The following LDB2 variants were observed in gnomAD, a reference collection of about 807,000 sequenced individuals.
LDB2 encodes LIM domain binding 2, also known as LIM domain-binding protein 2.
Under a neutral mutation model 44.3 loss-of-function variants are expected in LDB2, and 12 were observed. The ratio of observed to expected loss-of-function variants is 0.27; its 90% CI spans 0.17 to 0.44. The LOEUF (loss-of-function observed/expected upper bound fraction) is 0.44. Ranked by LOEUF, LDB2 falls within the 20% of genes least tolerant of loss-of-function variation. LDB2 has a pLI of 1.00. For synonymous variants in LDB2, 164 were observed against 174.8 expected, an observed-to-expected ratio of 0.94 and a Z score of 0.49; for missense variants, 344 against 473.5, an observed-to-expected ratio of 0.73 and a Z score of 2.54.
At chr4:16,592,110 A>G (rs1025390312) in intron 3 of LDB2, among the ~76,000 whole-genome samples, 2 of 152,166 alleles carry the variant, frequency 1.3e-5, no homozygotes, top group Admixed American at 1.3e-4. Flanking sequence ...ATCAACAAGA[A>G]AGAGGCTGGC....
rs541792175 is a variant in LDB2, at chr4:16,878,757, T to G, written c.132+19597A>C. On this transcript the variant is annotated intron_variant, in intron 1 of 7. Transcript: ENST00000304523. Reference sequence around the variant, plus strand: ...CCCTCCTGCTACAGGGCCTTTGTGCTTACTATTATTCTTTTAAAATGCCAT... The same window carrying G: ...CCCTCCTGCTACAGGGCCTTTGTGCGTACTATTATTCTTTTAAAATGCCAT... Among the ~76,000 whole-genome samples the G allele has an allele frequency of 3.3e-5, 5 of 152,350 alleles. No individual in the cohort carries two copies. The East Asian group carries it at 9.6e-4, about 29-fold the overall frequency.
intron 1 of LDB2, among the ~76,000 whole-genome samples, chr4:16,854,569 T>TA (rs1456043522): frequency 2.6e-4 from 40 of 151,034 alleles, no homozygotes; most frequent in Non-Finnish European, 4.3e-4. Flanking sequence ...TGTTTATTGT[T>TA]AAAAAAAGCA....
At chr4:16,832,588 C>T (rs976791628) in intron 1 of LDB2, among the ~76,000 whole-genome samples, 4 of 151,830 alleles carry the variant, frequency 2.6e-5, no homozygotes, top group African/African-American at 9.7e-5. Flanking sequence ...AACTCTACTT[C>T]GACAGTGTAA....
Position 16,592,523 on chromosome 4 carries a change from AAC to A in LDB2, c.408+3178_408+3179del, listed in dbSNP as rs1578065930. On this transcript the variant is annotated intron_variant, in intron 3 of 7. Coordinates refer to ENST00000304523, the MANE Select transcript of LDB2 (RefSeq NM_001290.5). The stretch of plus-strand genomic sequence containing the variant: ...ATATATATACACACACACACACACA[AAC>A]ACACACATGATCTGATCATTGATAT... Among the ~76,000 whole-genome samples the A allele has an allele frequency of 4.3e-4, 49 of 114,858 alleles. No homozygotes were observed. In the East Asian group the frequency reaches 0.012, roughly 27 times the overall value. The allele number at this position is 114,858 out of a possible 152,430, so 75.4% of individuals were successfully genotyped here.
chr4:16,730,938 T>TA (rs756785887), intron 2 of LDB2, among the ~76,000 whole-genome samples: 3 of 152,190 alleles, frequency 2.0e-5, no homozygotes, highest in Admixed American at 1.3e-4. Context: ...TATTGCTACT[T>TA]AGAGTTCAAG....
intron 5 of LDB2, among the ~76,000 whole-genome samples, chr4:16,542,703 A>G (rs1734255100): frequency 6.6e-6 from 1 of 150,450 alleles, no homozygotes; most frequent in African/African-American, 2.5e-5. Context: ...CTTATTTCCT[A>G]AACTCTAAAT....
At chr4:16,836,693 T>C (rs1167840540) in intron 1 of LDB2, among the ~76,000 whole-genome samples, 2 of 152,204 alleles carry the variant, frequency 1.3e-5, no homozygotes, top group Non-Finnish European at 2.9e-5. Flanking sequence ...ATGCCCACCA[T>C]TTATTGATTT....
chr4:16,571,767 C>T (rs1316204653), intron 5 of LDB2, among the ~76,000 whole-genome samples: 1 of 152,206 alleles, frequency 6.6e-6, no homozygotes, highest in Non-Finnish European at 1.5e-5. Flanking sequence ...ACTGCCCTTT[C>T]TTCTCCATTG....
chr4:16,581,292 G>C (rs545854236), intron 5 of LDB2: 43 of 389,340 alleles, frequency 1.1e-4, no homozygotes, highest in Middle Eastern at 1.3e-3. Flanking sequence ...GAAAATGAAG[G>C]CTCAGAGAGG....
intron 1 of LDB2, among the ~76,000 whole-genome samples, chr4:16,836,409 G>A (rs1173725592): frequency 6.6e-6 from 1 of 152,182 alleles, no homozygotes; most frequent in East Asian, 1.9e-4. Flanking sequence ...TTACTCCCAG[G>A]TGCTCAGGAA....
chr4:16,656,151 C>T (rs1056972255), intron 2 of LDB2, among the ~76,000 whole-genome samples: 2 of 152,150 alleles, frequency 1.3e-5, no homozygotes, highest in Admixed American at 6.5e-5. Context: ...CCACCCGCCT[C>T]GGCCTCCCAA....
chr4:16,768,428 T>A (rs1281572690), intron 1 of LDB2, among the ~76,000 whole-genome samples: 1 of 152,154 alleles, frequency 6.6e-6, no homozygotes, highest in Non-Finnish European at 1.5e-5. Context: ...AGCTAACCTT[T>A]CTCAGAAGAT....
At chr4:16,794,436 C>G (rs749842763) in intron 1 of LDB2, among the ~76,000 whole-genome samples, 16 of 152,192 alleles carry the variant, frequency 1.1e-4, no homozygotes, top group Non-Finnish European at 1.8e-4. Context: ...AAATGCACGT[C>G]TCATCTTCTT....
chr4:16,860,113 A>G (rs1561464555), intron 1 of LDB2, among the ~76,000 whole-genome samples: 3 of 152,220 alleles, frequency 2.0e-5, no homozygotes, highest in Non-Finnish European at 2.9e-5. Flanking sequence ...CCAAAAGAGT[A>G]TCTTCCTAAC....
chr4:16,580,389 T>C (rs1014501437), intron 5 of LDB2, among the ~76,000 whole-genome samples: 1 of 152,212 alleles, frequency 6.6e-6, no homozygotes, highest in Non-Finnish European at 1.5e-5. Context: ...GAGAGGATCA[T>C]GATATCCTTA....
At chr4:16,870,923 C>T (rs1021519290) in intron 1 of LDB2, among the ~76,000 whole-genome samples, 2 of 152,136 alleles carry the variant, frequency 1.3e-5, no homozygotes. Context: ...CATGAGCCAC[C>T]ATGCCCTGCC....
chr4:16,788,983 GT>G (rs1180305041), intron 1 of LDB2, among the ~76,000 whole-genome samples: 2 of 151,520 alleles, frequency 1.3e-5, no homozygotes, highest in African/African-American at 4.8e-5. Context: ...ATGCTATGGG[GT>G]TTTTTTTTCT....
At chr4:16,888,359 G>A (rs775059475) in intron 1 of LDB2, among the ~76,000 whole-genome samples, 4 of 152,200 alleles carry the variant, frequency 2.6e-5, no homozygotes, top group Non-Finnish European at 5.9e-5. Context: ...AGTACACATG[G>A]TCTCATACAT....
intron 1 of LDB2, among the ~76,000 whole-genome samples, chr4:16,859,371 C>A (rs543515402): frequency 1.3e-5 from 2 of 152,204 alleles, no homozygotes; most frequent in Non-Finnish European, 2.9e-5. Context: ...GTTTCAATCA[C>A]GTGCACCTTA....
Sources: gnomAD v4.1 joint callset for allele counts (sites outside exome capture counted in the v4.1 genomes callset) on GRCh38, gnomAD v4.1.1 for gene constraint, MANE v1.5 for transcripts, NCBI Gene and HGNC (gene_info 2026-07-23, HGNC 2026-07-21) for gene names.